DCDC1: variants seen among roughly 807,000 people sequenced by gnomAD.
DCDC1 encodes doublecortin domain containing 1, also known as doublecortin domain-containing protein 1.
In DCDC1, 200 loss-of-function variants were observed where a neutral mutation model predicts 178.3. The observed-to-expected ratio is 1.12, with a 90% CI of 1.00 to 1.26. The LOEUF is 1.26. Ranked by LOEUF, DCDC1 falls within the 50% of genes most tolerant of loss-of-function variation. The pLI is 0.00. For missense variants in DCDC1, 1,983 were observed against 1,749.2 expected (o/e 1.13, Z -2.38); for synonymous variants, 690 against 604.8 (o/e 1.14, Z -2.07).
chr11:30,922,939 A>G (rs1946344066), intron 23 of DCDC1, among the ~76,000 whole-genome samples: 1 of 143,318 alleles, frequency 7.0e-6, no homozygotes, highest in Non-Finnish European at 1.5e-5. Context: ...TTAAAAAATA[A>G]TTGTTTAAGA....
intron 20 of DCDC1, among the ~76,000 whole-genome samples, chr11:31,048,781 C>T (rs1308531843): frequency 6.6e-6 from 1 of 152,068 alleles, no homozygotes; most frequent in Non-Finnish European, 1.5e-5. Flanking sequence ...GGCGTGAACC[C>T]GGGAGGCGGG....
At chr11:31,278,817 TAAC>T (rs1376360489) in intron 7 of DCDC1, among the ~76,000 whole-genome samples, 2 of 152,014 alleles carry the variant, frequency 1.3e-5, no homozygotes, top group East Asian at 3.8e-4. Context: ...AAAAAATAAA[TAAC>T]AATAATAATA....
chr11:31,356,942 T>C (rs1375556221), intron 1 of DCDC1, among the ~76,000 whole-genome samples: 1 of 152,156 alleles, frequency 6.6e-6, no homozygotes, highest in Non-Finnish European at 1.5e-5. Flanking sequence ...GTGGCAATAA[T>C]CAATAGCTTA....
At chr11:31,004,877 A>G (rs951383435) in intron 20 of DCDC1, among the ~76,000 whole-genome samples, 21 of 152,096 alleles carry the variant, frequency 1.4e-4, no homozygotes, top group African/African-American at 4.8e-4. Flanking sequence ...AAAATAGATA[A>G]AATGTCTAAG....
chr11:31,085,938 G>C (rs923262307), intron 17 of DCDC1, among the ~76,000 whole-genome samples: 1 of 151,946 alleles, frequency 6.6e-6, no homozygotes, highest in African/African-American at 2.4e-5. Context: ...ATGTTGCCCA[G>C]GCTGGTCTCA....
At chr11:31,283,521 T>C (rs1409371760) in intron 7 of DCDC1, among the ~76,000 whole-genome samples, 3 of 152,136 alleles carry the variant, frequency 2.0e-5, no homozygotes, top group Admixed American at 6.6e-5. Flanking sequence ...TGTTTAAATG[T>C]CTTTTTCTGT....
chr11:31,163,753 A>G (rs1467504536), intron 9 of DCDC1, among the ~76,000 whole-genome samples: 1 of 152,208 alleles, frequency 6.6e-6, no homozygotes, highest in Non-Finnish European at 1.5e-5. Flanking sequence ...TACGATTTAT[A>G]AGAAATATGC....
Position 31,179,400 on chromosome 11 carries a change from A to G in DCDC1, c.1222-41616T>C, listed in dbSNP as rs1032418568. ...CCCGTTTATTGTAGCACTATTCACA[A>G]CAGCCAAAATACAGAATCAACCTAA... On this transcript the variant is annotated intron_variant, in intron 9 of 38. Transcript: ENST00000684477. Among the ~76,000 whole-genome samples the G allele has an allele frequency of 2.0e-5, 3 of 152,232 alleles. No homozygotes were observed. In the East Asian group the frequency reaches 5.8e-4, roughly 29 times the overall value.
chr11:30,943,193 T>C (rs909142252), intron 21 of DCDC1: 1 of 152,328 alleles, frequency 6.6e-6, no homozygotes, highest in Admixed American at 6.6e-5. Flanking sequence ...CATTCTTCTT[T>C]TTTTTTTTAT....
chr11:31,135,504 C>T (rs1318269219), intron 10 of DCDC1, among the ~76,000 whole-genome samples: 1 of 152,098 alleles, frequency 6.6e-6, no homozygotes, highest in African/African-American at 2.4e-5. Context: ...TAAAAAGAGT[C>T]TTTTAGATTT....
intron 3 of DCDC1, among the ~76,000 whole-genome samples, chr11:31,323,864 T>C (rs778188913): frequency 6.6e-6 from 1 of 152,130 alleles, no homozygotes; most frequent in African/African-American, 2.4e-5. Flanking sequence ...AACTTCATCC[T>C]GCCCTTTCTC....
chr11:31,177,215 A>C (rs530274426), intron 9 of DCDC1, among the ~76,000 whole-genome samples: 1 of 152,184 alleles, frequency 6.6e-6, no homozygotes, highest in East Asian at 1.9e-4. Context: ...ATTTGCTTTC[A>C]GGTTTAAACA....
At chr11:30,987,661 G>A (rs1056036165) in intron 20 of DCDC1, among the ~76,000 whole-genome samples, 4 of 152,090 alleles carry the variant, frequency 2.6e-5, no homozygotes, top group African/African-American at 9.7e-5. Flanking sequence ...TTAAGTATTT[G>A]GGGCCAGAGG....
chr11:30,958,463 A>G (rs1160841264), intron 20 of DCDC1, among the ~76,000 whole-genome samples: 1 of 152,130 alleles, frequency 6.6e-6, no homozygotes, highest in Non-Finnish European at 1.5e-5. Context: ...GAACCACAAG[A>G]TTCACCTGTC....
At chr11:30,990,498 C>T (rs1328185576) in intron 20 of DCDC1, among the ~76,000 whole-genome samples, 1 of 151,938 alleles carries the variant, frequency 6.6e-6, no homozygotes, top group African/African-American at 2.4e-5. Context: ...GAAGCCACAG[C>T]CAAAAAATAT....
At chr11:31,015,149 C>G (rs1016930462) in intron 20 of DCDC1, among the ~76,000 whole-genome samples, 1 of 152,010 alleles carries the variant, frequency 6.6e-6, no homozygotes, top group East Asian at 1.9e-4. Context: ...GGGGTTTCAC[C>G]GGTTTAGCCA....
intron 38 of DCDC1, among the ~76,000 whole-genome samples, chr11:30,868,829 G>A (rs1172671325): frequency 6.6e-6 from 1 of 152,206 alleles, no homozygotes; most frequent in African/African-American, 2.4e-5. Flanking sequence ...AACACCCCAG[G>A]CCAAAGTCAC....
At chr11:31,201,662 GAA>G (rs1042408549) in intron 9 of DCDC1, among the ~76,000 whole-genome samples, 10 of 109,064 alleles carry the variant, frequency 9.2e-5, no homozygotes, top group African/African-American at 3.0e-4. Context: ...GGGAAGGAAA[GAA>G]AAAAAAAAAA....
intron 9 of DCDC1, among the ~76,000 whole-genome samples, chr11:31,165,069 T>C (rs1966648989): frequency 6.6e-6 from 1 of 152,194 alleles, no homozygotes; most frequent in Non-Finnish European, 1.5e-5. Context: ...GCAAATAGGC[T>C]ATACCACATA....
Sources: allele counts gnomAD v4.1 joint callset (sites outside exome capture counted in the v4.1 genomes callset), GRCh38; gene constraint gnomAD v4.1.1; transcripts MANE v1.5; gene names NCBI Gene and HGNC (gene_info 2026-07-23, HGNC 2026-07-21).